Variants in GTF2F2 observed in about 807,000 individuals in gnomAD.
The protein encoded by GTF2F2 is ATP-dependent helicase GTF2F2.
In GTF2F2, 23 loss-of-function variants were observed where a neutral mutation model predicts 42.2. That is an observed-to-expected ratio of 0.55 (90% CI 0.39 to 0.77). GTF2F2 has a LOEUF of 0.77. Among genes scored for constraint, GTF2F2 ranks in the 30% least tolerant of loss-of-function variants. The pLI is 0.00. For synonymous variants in GTF2F2, 105 were observed against 100.8 expected, an observed-to-expected ratio of 1.04 and a Z score of -0.25; for missense variants, 261 against 287.2, an observed-to-expected ratio of 0.91 and a Z score of 0.66.
intron 4 of GTF2F2, among the ~76,000 whole-genome samples, chr13:45,187,891 A>G (rs1416734655): frequency 6.6e-6 from 1 of 152,154 alleles, no homozygotes; most frequent in East Asian, 1.9e-4. Context: ...GCATTATCAC[A>G]TATGTAACTC....
chr13:45,199,457 G>GTTTTTT (rs1873067381), intron 4 of GTF2F2, among the ~76,000 whole-genome samples: 1 of 152,074 alleles, frequency 6.6e-6, no homozygotes, highest in African/African-American at 2.4e-5. Flanking sequence ...GAGTATTTCA[G>GTTTTTT]GGAAACCTGT....
intron 5 of GTF2F2, among the ~76,000 whole-genome samples, chr13:45,247,225 G>GGTGGT (rs1875672749): frequency 6.6e-6 from 1 of 150,684 alleles, no homozygotes; most frequent in Non-Finnish European, 1.5e-5. Flanking sequence ...AGCCAGGTGT[G>GGTGGT]GTGGTGCATG....
At chr13:45,147,737 A>G (rs997615832) in intron 2 of GTF2F2, among the ~76,000 whole-genome samples, 5 of 152,190 alleles carry the variant, frequency 3.3e-5, no homozygotes, top group Non-Finnish European at 7.3e-5. Context: ...GTCTGTCCTA[A>G]GTGATTCTTT....
In GTF2F2 at chr13:45,249,304, C is replaced by A. The variant is rs548936064; in HGVS notation, c.387-3567C>A. ...TTAGTTTTGAATCATAAGTTGTCCT[C>A]TTTTAATTAAAACCCTTGTGGTTGC... On this transcript the variant is annotated intron_variant, in intron 5 of 7. Coordinates refer to ENST00000340473, the MANE Select transcript of GTF2F2 (RefSeq NM_004128.3). Among the ~76,000 whole-genome samples the A allele has an allele frequency of 9.2e-5, 14 of 152,148 alleles. 1 individual carries two copies. The South Asian group carries it at 2.3e-3, about 25-fold the overall frequency.
chr13:45,221,065 C>T (rs538470358), intron 5 of GTF2F2, among the ~76,000 whole-genome samples: 128 of 152,100 alleles, frequency 8.4e-4, no homozygotes, highest in Non-Finnish European at 1.6e-3. Flanking sequence ...CTCATGTACA[C>T]CATTCCCCTT....
chr13:45,253,863 C>G (rs185345240), intron 6 of GTF2F2, among the ~76,000 whole-genome samples: 2 of 152,232 alleles, frequency 1.3e-5, no homozygotes, highest in Non-Finnish European at 2.9e-5. Flanking sequence ...TTCACAAGGT[C>G]AGGAGATCGA....
chr13:45,264,451 T>C (rs1204562050), intron 6 of GTF2F2, among the ~76,000 whole-genome samples: 2 of 151,916 alleles, frequency 1.3e-5, no homozygotes, highest in Non-Finnish European at 2.9e-5. Context: ...CCAGCTAATT[T>C]TTTTGTATTT....
At chr13:45,127,615 C>T in intron 1 of GTF2F2, among the ~76,000 whole-genome samples, 1 of 151,754 alleles carries the variant, frequency 6.6e-6, no homozygotes, top group Non-Finnish European at 1.5e-5. Flanking sequence ...GGGATTATGG[C>T]ATGAGCCACC....
intron 4 of GTF2F2, among the ~76,000 whole-genome samples, chr13:45,181,228 AG>A (rs1473021728): frequency 6.6e-6 from 1 of 150,996 alleles, no homozygotes; most frequent in Non-Finnish European, 1.5e-5. Flanking sequence ...GGTGATATCC[AG>A]ATATCATGGC....
At chr13:45,185,833 A>C (rs1229655469) in intron 4 of GTF2F2, among the ~76,000 whole-genome samples, 1 of 152,186 alleles carries the variant, frequency 6.6e-6, no homozygotes, top group African/African-American at 2.4e-5. Flanking sequence ...TTATTTCCAT[A>C]CACAGCTATG....
chr13:45,169,688 G>C (rs906964590), intron 4 of GTF2F2, among the ~76,000 whole-genome samples: 1 of 152,142 alleles, frequency 6.6e-6, no homozygotes, highest in Non-Finnish European at 1.5e-5. Flanking sequence ...AGTTTATACT[G>C]TTGATTTCTC....
intron 4 of GTF2F2, among the ~76,000 whole-genome samples, chr13:45,204,622 A>G (rs1240331724): frequency 1.3e-5 from 2 of 152,234 alleles, no homozygotes; most frequent in East Asian, 1.9e-4. Context: ...TAGTGGAAAG[A>G]ATATGAGAAT....
chr13:45,204,583 G>A (rs1873342281), intron 4 of GTF2F2, among the ~76,000 whole-genome samples: 1 of 152,154 alleles, frequency 6.6e-6, no homozygotes, highest in South Asian at 2.1e-4. Flanking sequence ...ATCTTAAGCA[G>A]TATTTTGAAA....
chr13:45,220,704 A>G (rs1452404044), intron 5 of GTF2F2, among the ~76,000 whole-genome samples: 1 of 152,030 alleles, frequency 6.6e-6, no homozygotes, highest in Non-Finnish European at 1.5e-5. Context: ...GGTTGGGCTG[A>G]TGGTAGTTTA....
At chr13:45,210,057 C>A (rs1873569718) in intron 5 of GTF2F2, among the ~76,000 whole-genome samples, 1 of 152,192 alleles carries the variant, frequency 6.6e-6, no homozygotes, top group African/African-American at 2.4e-5. Context: ...CCTTGCCCCA[C>A]TGTAGTCTCT....
At chr13:45,183,760 T>C (rs56146316) in intron 4 of GTF2F2, among the ~76,000 whole-genome samples, 54,348 of 152,088 alleles carry the variant, frequency 0.36, 13,524 homozygotes, top group African/African-American at 0.7. Context: ...TACTTAGTAC[T>C]GTGCCTGATA....
At chr13:45,197,989 A>T (rs9534062) in intron 4 of GTF2F2, among the ~76,000 whole-genome samples, 31,466 of 152,262 alleles carry the variant, frequency 0.21, 3,494 homozygotes, top group African/African-American at 0.23. Flanking sequence ...ACATATAAAA[A>T]TTTGAAAGAT....
chr13:45,247,952 C>A (rs906111798), intron 5 of GTF2F2, among the ~76,000 whole-genome samples: 2 of 152,098 alleles, frequency 1.3e-5, no homozygotes, highest in African/African-American at 4.8e-5. Flanking sequence ...TCAAGCAATT[C>A]TCCTGCCTCA....
At chr13:45,233,879 C>T (rs1874814804) in intron 5 of GTF2F2, among the ~76,000 whole-genome samples, 1 of 152,078 alleles carries the variant, frequency 6.6e-6, no homozygotes, top group African/African-American at 2.4e-5. Flanking sequence ...TGCCACCGCA[C>T]TCCAGCCTGG....
Sources: gnomAD v4.1 joint callset for allele counts (sites outside exome capture counted in the v4.1 genomes callset) on GRCh38, gnomAD v4.1.1 for gene constraint, MANE v1.5 for transcripts, NCBI Gene and HGNC (gene_info 2026-07-23, HGNC 2026-07-21) for gene names.